The following SLC4A7 variants were observed in gnomAD, a reference collection of about 807,000 sequenced individuals.
SLC4A7 encodes solute carrier family 4 member 7, also known as sodium bicarbonate cotransporter 3.
A neutral mutation model predicts 137.6 loss-of-function variants in SLC4A7; 51 were observed. That is an observed-to-expected ratio of 0.37 (90% confidence interval 0.30 to 0.47). SLC4A7 has a LOEUF of 0.47. Ranked by LOEUF, SLC4A7 falls within the 20% of genes least tolerant of loss-of-function variation. The probability of loss-of-function intolerance (pLI) is 1.00; values close to 1 mark genes in which losing one functional copy is unlikely to be tolerated. For synonymous variants in SLC4A7, 542 were observed against 518.6 expected, an observed-to-expected ratio of 1.05 and a Z score of -0.61; for missense variants, 1,247 against 1,525.4, an observed-to-expected ratio of 0.82 and a Z score of 3.04.
chr3:27,395,196 T>C, intron 18 of SLC4A7, 81 bp from the exon 19 acceptor site: 1 of 940,962 alleles, frequency 1.1e-6, no homozygotes, highest in Non-Finnish European at 1.5e-6. Context: ...CTTGATCTGT[T>C]CCAAGAAATA....
Position 27,422,275 on chromosome 3 carries a change from T to C in SLC4A7, c.1267-496A>G, listed in dbSNP as rs563655207. Reference sequence around the variant, plus strand: ...AAAATCATTACTTTTATTTCATTAGTAGTATTTTTGAGACAAGGTCTTACT... The same window carrying C: ...AAAATCATTACTTTTATTTCATTAGCAGTATTTTTGAGACAAGGTCTTACT... On this transcript the variant is annotated intron_variant, in intron 8 of 25. Transcript: ENST00000454389. Among the ~76,000 whole-genome samples, 20 of 152,316 alleles carry C rather than the reference T, an allele frequency of 1.3e-4. 1 individual carries two copies. The South Asian group carries it at 3.5e-3, about 27-fold the overall frequency.
At chr3:27,377,535 G>C (rs2050018038) in intron 25 of SLC4A7, among the ~76,000 whole-genome samples, 1 of 152,052 alleles carries the variant, frequency 6.6e-6, no homozygotes, top group Non-Finnish European at 1.5e-5. Context: ...TGTGATTACA[G>C]GCATGCACCA....
chr3:27,394,886 C>G, intron 19 of SLC4A7, 68 bp downstream of exon 19: 3 of 1,536,508 alleles, frequency 2.0e-6, no homozygotes, highest in Admixed American at 4.1e-5. Context: ...TTTTAATGTT[C>G]TAATCATTAC....
At chr3:27,447,387 A>T (rs2057737699) in intron 3 of SLC4A7, among the ~76,000 whole-genome samples, 1 of 152,214 alleles carries the variant, frequency 6.6e-6, no homozygotes, top group Non-Finnish European at 1.5e-5. Flanking sequence ...TTACTATGCC[A>T]TCAGTATTTT....
Position 27,375,415 on chromosome 3 carries a change from T to G in SLC4A7, c.*1349A>C, listed in dbSNP as rs549590999. The G allele has an allele frequency of 2.2e-4, 33 of 152,530 alleles. No homozygotes were observed. Among genetic ancestry groups the G allele is most frequent in the African/African-American group, 7.7e-4 (32 of 41,564 alleles). 9.4% of individuals were successfully genotyped at this position (152,530 alleles called of 1,614,324 possible). A position where few individuals can be genotyped will look rare whatever the true frequency, so the allele number is the denominator to read the frequency against. On this transcript the variant is annotated 3_prime_UTR_variant, in exon 26 of 26. Coordinates refer to ENST00000454389, the MANE Select transcript of SLC4A7 (RefSeq NM_001321103.2). ...TACAGGCTTAACAACATTTATTTCA[T>G]GTGGAACTAAAAGTATATAAAAGAT...
chr3:27,385,883 T>G lies in SLC4A7; in HGVS notation c.3492+9A>C. ...AAGTGGTGTAAGTTTAAAATTGTTA[T>G]CTTTTTACCTCTTTCTCTTTTTTCT... On this transcript the variant is annotated intron_variant, in intron 23 of 25. Coordinates refer to ENST00000454389, the MANE Select transcript of SLC4A7 (RefSeq NM_001321103.2). 2.0e-6 allele frequency: 3 copies of G among 1,517,846 alleles called. No individual in the cohort carries two copies. The highest frequency in any genetic ancestry group is 2.7e-6 in the Non-Finnish European group (3 of 1,105,492). The allele number at this position is 1,517,846 out of a possible 1,614,324, so 94.0% of individuals were successfully genotyped here. A position where few individuals can be genotyped will look rare whatever the true frequency, so the allele number is the denominator to read the frequency against.
At chr3:27,390,819 G>A (rs1219214714) in intron 21 of SLC4A7, among the ~76,000 whole-genome samples, 2 of 151,914 alleles carry the variant, frequency 1.3e-5, no homozygotes, top group Non-Finnish European at 2.9e-5. Flanking sequence ...TTTTTTTTGT[G>A]TGTGTTTGTT....
At chr3:27,390,785 A>G (rs1330074459) in intron 21 of SLC4A7, among the ~76,000 whole-genome samples, 2 of 152,168 alleles carry the variant, frequency 1.3e-5, no homozygotes, top group Non-Finnish European at 2.9e-5. Context: ...GTGGTCATGT[A>G]GCGCTAACTG....
At chr3:27,455,670 G>A (rs567833755) in intron 1 of SLC4A7, among the ~76,000 whole-genome samples, 53 of 150,858 alleles carry the variant, frequency 3.5e-4, no homozygotes, top group African/African-American at 1.2e-3. Context: ...TTGAGGTCAG[G>A]AGTTCAAGAC....
intron 1 of SLC4A7, among the ~76,000 whole-genome samples, chr3:27,471,805 A>G (rs1167354599): frequency 2.0e-5 from 3 of 152,236 alleles, no homozygotes; most frequent in Admixed American, 6.5e-5. Flanking sequence ...AAGCTTTAAC[A>G]TTTGAGTGAT....
At chr3:27,473,652 G>A (rs9823830) in intron 1 of SLC4A7, among the ~76,000 whole-genome samples, 4,292 of 140,648 alleles carry the variant, frequency 0.031, 88 homozygotes, top group East Asian at 0.074. Flanking sequence ...AGGGTGTAGT[G>A]AGCCGAGATC....
intron 21 of SLC4A7, among the ~76,000 whole-genome samples, chr3:27,390,490 T>C (rs2051427713): frequency 6.6e-6 from 1 of 152,224 alleles, no homozygotes; most frequent in Non-Finnish European, 1.5e-5. Context: ...TCTTCACAAA[T>C]TTAACCAGAA....
At chr3:27,470,234 T>G (rs1323343996) in intron 1 of SLC4A7, among the ~76,000 whole-genome samples, 1 of 152,130 alleles carries the variant, frequency 6.6e-6, no homozygotes, top group African/African-American at 2.4e-5. Context: ...ATCTTTTTTT[T>G]TTTTTGCTCA....
At chr3:27,429,814 G>A (rs1306448703) in intron 7 of SLC4A7, among the ~76,000 whole-genome samples, 6 of 151,704 alleles carry the variant, frequency 4.0e-5, no homozygotes, top group South Asian at 4.2e-4. Flanking sequence ...GCGCCACTGC[G>A]CTCCAGTCTA....
chr3:27,409,310 C>A, intron 13 of SLC4A7, 46 bp downstream of exon 13: 1 of 1,431,418 alleles, frequency 7.0e-7, no homozygotes, highest in Non-Finnish European at 9.5e-7. Flanking sequence ...CAGACACTTG[C>A]CTCTGAAGAG....
intron 6 of SLC4A7, 57 bp downstream of exon 6, chr3:27,433,859 T>C: frequency 2.1e-6 from 3 of 1,422,366 alleles, no homozygotes; most frequent in Non-Finnish European, 3.0e-6. Flanking sequence ...CGTAACATAC[T>C]GGAAAGCTGT....
At chr3:27,402,856 A>T (rs1227219510) in intron 15 of SLC4A7, among the ~76,000 whole-genome samples, 1 of 103,250 alleles carries the variant, frequency 9.7e-6, no homozygotes, top group Non-Finnish European at 2.6e-5. Context: ...ATCAGTTGCC[A>T]ATCAAATTTA....
At chr3:27,438,204 CAATAA>C (rs1553704488) in intron 3 of SLC4A7, among the ~76,000 whole-genome samples, 1 of 147,462 alleles carries the variant, frequency 6.8e-6, no homozygotes, top group African/African-American at 2.5e-5. Context: ...GTCAATCAAT[CAATAA>C]AATAAAATAA....
Position 27,434,048 on chromosome 3 carries a change from T to C in SLC4A7, c.646A>G (p.Asn216Asp), listed in dbSNP as rs1380946506. The C allele has an allele frequency of 1.2e-6, 2 of 1,613,792 alleles. No homozygotes were observed. Among genetic ancestry groups the C allele is most frequent in the Non-Finnish European group, 1.7e-6 (2 of 1,179,814 alleles). Residue 216 changes from asparagine (N) to aspartate (D), a missense_variant, in exon 6 of 26, where the codon AAT (asparagine) becomes GAT (aspartate). Asn to Asp is a conservative substitution (Grantham distance 23, BLOSUM62 1). Around this residue, in one of 6 missense-constraint regions of SLC4A7, gnomAD observed 223 missense variants for 203.6 expected, o/e 1.10. Coordinates refer to ENST00000454389, the MANE Select transcript of SLC4A7 (RefSeq NM_001321103.2). ...CTCTTCAGAAGAGCTTCTCTGACAT[T>C]CTCTCGTATGGACTCGTCTAATTGG... ...SGQLDESIRE[N>D]VREALLKRHH...
Sources: gnomAD v4.1 joint callset for allele counts (sites outside exome capture counted in the v4.1 genomes callset) on GRCh38, gnomAD v4.1.1 for gene constraint, gnomAD v4.1.1 regional missense constraint, MANE v1.5 for transcripts, NCBI Gene and HGNC (gene_info 2026-07-23, HGNC 2026-07-21) for gene names.